The following COL6A6 variants were observed in gnomAD, a reference collection of about 807,000 sequenced individuals.
COL6A6 encodes the protein collagen type VI alpha 6 chain.
In COL6A6, 183 loss-of-function variants were observed where a neutral mutation model predicts 208.6. The ratio of observed to expected loss-of-function variants is 0.88; its 90% CI spans 0.78 to 0.99. The LOEUF (loss-of-function observed/expected upper bound fraction) is 0.99, where lower values mean the gene tolerates loss of function less well. COL6A6 is among the 50% of genes least tolerant of loss of function. COL6A6 has a pLI of 0.00. For missense variants in COL6A6, 2,816 were observed against 2,815.2 expected (o/e 1.00, Z -0.01); for synonymous variants, 973 against 1,011.8 (o/e 0.96, Z 0.73).
intron 1 of COL6A6, among the ~76,000 whole-genome samples, chr3:130,553,429 G>A (rs2062692913): frequency 6.6e-6 from 1 of 152,164 alleles, no homozygotes; most frequent in Non-Finnish European, 1.5e-5. Flanking sequence ...CCTCAGCATG[G>A]TTGATTCTGC....
intron 12 of COL6A6, among the ~76,000 whole-genome samples, chr3:130,590,292 TATA>T (rs2063662959): frequency 9.9e-4 from 25 of 25,146 alleles, no homozygotes; most frequent in Non-Finnish European, 1.2e-3. Context: ...TATATATATA[TATA>T]TATATTTTTT....
intron 33 of COL6A6, among the ~76,000 whole-genome samples, chr3:130,653,415 A>G (rs2065700994): frequency 6.6e-6 from 1 of 152,166 alleles, no homozygotes; most frequent in Admixed American, 6.5e-5. Context: ...TATTTTGAAG[A>G]TAATTTTTAT....
chr3:130,567,637 C>T (rs2063059768), intron 5 of COL6A6, among the ~76,000 whole-genome samples: 1 of 152,118 alleles, frequency 6.6e-6, no homozygotes, highest in Admixed American at 6.5e-5. Flanking sequence ...ATTTAGAGCT[C>T]CTGTTTTCAA....
chr3:130,570,788 A>T, intron 6 of COL6A6, 30 bp from the exon 7 acceptor site: 1 of 1,558,468 alleles, frequency 6.4e-7, no homozygotes, highest in Non-Finnish European at 8.8e-7. Context: ...AGCTAATCTC[A>T]TATGGTTTAC....
intron 21 of COL6A6, 140 bp from the exon 22 acceptor site, chr3:130,608,761 AC>A (rs2064261186): frequency 4.3e-6 from 2 of 468,412 alleles, no homozygotes; most frequent in African/African-American, 8.9e-5. Flanking sequence ...TTTATTTTTC[AC>A]CTTTTTTTTT....
chr3:130,590,002 T>C, intron 12 of COL6A6: 1 of 450,508 alleles, frequency 2.2e-6, no homozygotes, highest in Non-Finnish European at 4.5e-6. Flanking sequence ...GTAGATTTTT[T>C]TAAAAAACAA....
At chr3:130,551,941 G>T (rs2107803595) in intron 1 of COL6A6, among the ~76,000 whole-genome samples, 1 of 152,088 alleles carries the variant, frequency 6.6e-6, no homozygotes, top group South Asian at 2.1e-4. Context: ...GGAGCAGGTT[G>T]TTTAATTTCC....
At chr3:130,524,509 T>A (rs1449599022) in intron 1 of COL6A6, among the ~76,000 whole-genome samples, 1 of 152,234 alleles carries the variant, frequency 6.6e-6, no homozygotes, top group Non-Finnish European at 1.5e-5. Flanking sequence ...TGGTGGTTAA[T>A]GGTGTTGTCT....
At chr3:130,566,407 A>G (rs1475530219) in intron 4 of COL6A6, among the ~76,000 whole-genome samples, 1 of 152,194 alleles carries the variant, frequency 6.6e-6, no homozygotes, top group East Asian at 1.9e-4. Flanking sequence ...GTTATTTACT[A>G]ATGGGTGAAG....
At chr3:130,568,651 T>A in intron 6 of COL6A6, 47 bp downstream of exon 6, 1 of 1,449,928 alleles carries the variant, frequency 6.9e-7, no homozygotes, top group Non-Finnish European at 9.2e-7. Flanking sequence ...ACAACAGATG[T>A]CTTTTTTAGC....
intron 13 of COL6A6, 82 bp downstream of exon 13, chr3:130,591,176 G>A: frequency 1.0e-6 from 1 of 980,314 alleles, no homozygotes; most frequent in Non-Finnish European, 1.6e-6. Flanking sequence ...TCAGGGGGAA[G>A]CAAGAAAGGT....
chr3:130,555,379 G>A (rs1018795037), intron 1 of COL6A6, among the ~76,000 whole-genome samples: 3 of 152,160 alleles, frequency 2.0e-5, no homozygotes, highest in Non-Finnish European at 4.4e-5. Context: ...TTCAGCCCCA[G>A]ATCTGTGTCC....
intron 21 of COL6A6, 134 bp from the exon 22 acceptor site, chr3:130,608,762 CCTTTTT>C (rs1459686585): frequency 2.1e-6 from 1 of 468,166 alleles, no homozygotes; most frequent in African/African-American, 3.1e-5. Flanking sequence ...TTATTTTTCA[CCTTTTT>C]TTTTTTTTTT....
At chr3:130,671,744 A>G (rs2108494183) in intron 36 of COL6A6, among the ~76,000 whole-genome samples, 1 of 152,344 alleles carries the variant, frequency 6.6e-6, no homozygotes, top group South Asian at 2.1e-4. Context: ...AAATACATGT[A>G]GAAGCTGGTG....
At position 130,621,801 on chromosome 3, in the gene COL6A6, A is replaced by G. The variant is rs1289985758; in HGVS notation, c.4816-20A>G. 4.3e-6 allele frequency: 7 copies of G among 1,610,890 alleles called. No individual in the cohort carries two copies. Among genetic ancestry groups the G allele is most frequent in the Non-Finnish European group, 5.9e-6 (7 of 1,178,158 alleles). ...TGCTTTATGTTTTGCTATATTTGCA[A>G]ACCCCTTGTTTTGTTTCAGGGGCCT... is the stretch of plus-strand genomic sequence containing the variant. On this transcript the variant is annotated intron_variant, in intron 23 of 36. Transcript: ENST00000358511.
chr3:130,609,056 C>A, intron 22 of COL6A6, 92 bp downstream of exon 22: 3 of 903,268 alleles, frequency 3.3e-6, no homozygotes, highest in Non-Finnish European at 5.3e-6. Flanking sequence ...TCAAATCTCC[C>A]TTGCAGAATT....
intron 33 of COL6A6, among the ~76,000 whole-genome samples, chr3:130,656,922 G>C (rs1022806101): frequency 6.6e-6 from 1 of 152,262 alleles, no homozygotes; most frequent in Non-Finnish European, 1.5e-5. Flanking sequence ...AGCAGGTGCT[G>C]GAGCAGAGAG....
At chr3:130,652,694 CCTT>C (rs1478620569) in intron 33 of COL6A6, among the ~76,000 whole-genome samples, 7 of 152,230 alleles carry the variant, frequency 4.6e-5, no homozygotes, top group African/African-American at 1.7e-4. Context: ...CTACTTGCCG[CCTT>C]CTTTCTTTTA....
At chr3:130,573,835 C>T in intron 7 of COL6A6, 121 bp from the exon 8 acceptor site, 1 of 664,300 alleles carries the variant, frequency 1.5e-6, no homozygotes, top group East Asian at 2.8e-5. Context: ...TCCCAAAGTG[C>T]TGGGATTACA....
Sources: gnomAD v4.1 joint callset for allele counts (sites outside exome capture counted in the v4.1 genomes callset) on GRCh38, gnomAD v4.1.1 for gene constraint, MANE v1.5 for transcripts, NCBI Gene and HGNC (gene_info 2026-07-23, HGNC 2026-07-21) for gene names.